FCHSD2: variants seen among roughly 807,000 people sequenced by gnomAD.
The protein encoded by FCHSD2 is F-BAR and double SH3 domains protein 2.
In FCHSD2, 38 loss-of-function variants were observed where a neutral mutation model predicts 108.1. That is an observed-to-expected ratio of 0.35 (90% confidence interval 0.27 to 0.46). FCHSD2 has a LOEUF of 0.46. FCHSD2 is among the 20% of genes least tolerant of loss of function. The pLI is 1.00. For missense variants in FCHSD2, 751 were observed against 897.8 expected, an observed-to-expected ratio of 0.84 and a Z score of 2.09; for synonymous variants, 279 against 314.7, an observed-to-expected ratio of 0.89 and a Z score of 1.20.
chr11:72,937,898 C>T (rs1290063053), intron 8 of FCHSD2, among the ~76,000 whole-genome samples: 1 of 152,104 alleles, frequency 6.6e-6, no homozygotes, highest in Non-Finnish European at 1.5e-5. Flanking sequence ...AAATACAGAA[C>T]ATAAGATCAA....
chr11:72,853,726 T>C (rs1326618776), intron 13 of FCHSD2, among the ~76,000 whole-genome samples: 1 of 151,990 alleles, frequency 6.6e-6, no homozygotes, highest in Non-Finnish European at 1.5e-5. Context: ...AACAGATAAA[T>C]TGAACCTTAT....
chr11:72,937,260 T>C (rs867772233), intron 8 of FCHSD2, among the ~76,000 whole-genome samples: 1 of 152,166 alleles, frequency 6.6e-6, no homozygotes, highest in African/African-American at 2.4e-5. Flanking sequence ...AGACAGTAAA[T>C]AGGACTGCTG....
chr11:72,909,880 C>T lies in FCHSD2; in HGVS notation c.829-7242G>A, dbSNP rs376279878. ...GTGAGGAGTGCCTCTGCCCGGCAGCCGCCCCATCTGGGAAGTGAGGAGCAC... is the reference window on the plus strand; with the variant it reads ...GTGAGGAGTGCCTCTGCCCGGCAGCTGCCCCATCTGGGAAGTGAGGAGCAC... On this transcript the variant is annotated intron_variant, in intron 9 of 19. Coordinates refer to ENST00000409418, the MANE Select transcript of FCHSD2 (RefSeq NM_014824.3). 2.5e-4 allele frequency among the ~76,000 whole-genome samples: 37 copies of T among 150,232 alleles called. 1 individual carries two copies. In the East Asian group the frequency reaches 3.6e-3, roughly 15 times the overall value.
chr11:73,083,787 T>A, intron 2 of FCHSD2, 47 bp from the exon 3 acceptor site: 1 of 1,224,848 alleles, frequency 8.2e-7, no homozygotes, highest in Non-Finnish European at 1.2e-6. Context: ...AACTTAATAA[T>A]TTAATGTAAA....
intron 8 of FCHSD2, among the ~76,000 whole-genome samples, chr11:72,965,893 C>T (rs1856897778): frequency 6.6e-6 from 1 of 152,078 alleles, no homozygotes; most frequent in South Asian, 2.1e-4. Context: ...AAACAGAACA[C>T]AATACTGGAG....
intron 2 of FCHSD2, among the ~76,000 whole-genome samples, chr11:73,090,338 G>C (rs1859925491): frequency 1.4e-5 from 2 of 145,902 alleles, no homozygotes; most frequent in Admixed American, 1.4e-4. Context: ...CCATTCTCCT[G>C]CCTCAGCCTC....
chr11:73,116,757 C>T (rs1004591406), intron 2 of FCHSD2, among the ~76,000 whole-genome samples: 1 of 152,088 alleles, frequency 6.6e-6, no homozygotes, highest in Admixed American at 6.6e-5. Context: ...AGGCTAGTCT[C>T]GAACTCCTGG....
chr11:72,909,796 C>T (rs181691094), intron 9 of FCHSD2, among the ~76,000 whole-genome samples: 35 of 148,800 alleles, frequency 2.4e-4, no homozygotes, highest in South Asian at 8.7e-4. Context: ...CACCTCTGCC[C>T]GGCCGCCCCG....
intron 5 of FCHSD2, among the ~76,000 whole-genome samples, chr11:72,997,634 T>C (rs1292862194): frequency 6.6e-6 from 1 of 152,202 alleles, no homozygotes; most frequent in African/African-American, 2.4e-5. Flanking sequence ...AAATATGGAA[T>C]GTAGTATTTA....
In FCHSD2 at chr11:73,142,162, C is replaced by CG; in HGVS notation, c.-286dup. 7.9e-6 allele frequency: 2 copies of CG among 253,000 alleles called. No homozygotes were observed. The highest frequency in any genetic ancestry group is 1.5e-5 in the Non-Finnish European group (2 of 132,968). 15.7% of individuals were successfully genotyped at this position (253,000 alleles called of 1,614,324 possible). A position where few individuals can be genotyped will look rare whatever the true frequency, so the allele number is the denominator to read the frequency against. On this transcript the variant is annotated 5_prime_UTR_variant, in exon 1 of 20. Transcript: ENST00000409418. ...GAAGGAGGCGGAGACGGCGAGGGGG[C>CG]GGGGGCCCCAGGAGCAGGGGCGCGA...
chr11:72,905,074 T>C lies in FCHSD2; in HGVS notation c.829-2436A>G, dbSNP rs1855600190. 2.0e-5 allele frequency among the ~76,000 whole-genome samples: 3 copies of C among 152,328 alleles called. No homozygotes were observed. In the South Asian group the frequency reaches 6.2e-4, roughly 32 times the overall value. On this transcript the variant is annotated intron_variant, in intron 9 of 19. Transcript: ENST00000409418. ...GAATGGTAGCCTCTCAAAAGATATG[T>C]TCATGTCCTAATTCCCAAAACCTGT...
chr11:72,967,294 T>C (rs1462541923), intron 8 of FCHSD2, among the ~76,000 whole-genome samples: 6 of 151,444 alleles, frequency 4.0e-5, no homozygotes, highest in Non-Finnish European at 8.8e-5. Context: ...GACCCTTGTG[T>C]AGTGGGGGAA....
At position 72,841,556 on chromosome 11, in the gene FCHSD2, A is replaced by G. The variant is rs76079323; in HGVS notation, c.1954T>C (p.Ser652Pro). ...TCGTACAACGGCAGTGGAGGCAGGG[A>G]GGCGTGTGGCTTGGGGGAAGGAGAG... ...QISPSPKPHA[S>P]LPPLPLYDQP... The change falls in exon 18 of 20, where the codon TCC (serine) becomes CCC (proline). Residue 652 changes from serine (S) to proline (P), a missense_variant. Transcript: ENST00000409418. 1 of 1,610,078 alleles carries G rather than the reference A, an allele frequency of 6.2e-7. No individual in the cohort carries two copies. The highest frequency in any genetic ancestry group is 8.5e-7 in the Non-Finnish European group (1 of 1,178,452).
rs1861028991 is a variant in FCHSD2, at chr11:72,843,458, G to A, written c.1518C>T (p.Asp506=). 1.2e-6 allele frequency: 2 copies of A among 1,612,502 alleles called. No homozygotes were observed. The highest frequency in any genetic ancestry group is 2.2e-5 in the East Asian group (1 of 44,892). Residue 506 remains aspartate, a synonymous_variant, in exon 15 of 20, where the codon GAC becomes GAT. Transcript: ENST00000409418. ...LEVIEDGDME[D]WVKARNKVGQ... ...GAGCAAAGGAATATACCTTTACCCA[G>A]TCTTCCATATCTCCATCTTCAATCA...
At chr11:73,132,070 A>C (rs1322411240) in intron 2 of FCHSD2, among the ~76,000 whole-genome samples, 1 of 152,238 alleles carries the variant, frequency 6.6e-6, no homozygotes, top group Non-Finnish European at 1.5e-5. Context: ...GGATTTTCTT[A>C]CAAGATTGCT....
At chr11:73,091,581 C>T (rs1012823220) in intron 2 of FCHSD2, among the ~76,000 whole-genome samples, 9 of 152,000 alleles carry the variant, frequency 5.9e-5, no homozygotes, top group Non-Finnish European at 1.2e-4. Flanking sequence ...AAGCAAATAT[C>T]ACTTCCAGAC....
At chr11:73,139,202 T>C (rs776910713) in intron 2 of FCHSD2, among the ~76,000 whole-genome samples, 9 of 152,208 alleles carry the variant, frequency 5.9e-5, no homozygotes, top group Non-Finnish European at 1.2e-4. Flanking sequence ...AGAGTTAATA[T>C]TTTTCATGAA....
At chr11:72,942,565 T>C (rs1361285945) in intron 8 of FCHSD2, among the ~76,000 whole-genome samples, 2 of 151,798 alleles carry the variant, frequency 1.3e-5, no homozygotes, top group African/African-American at 4.8e-5. Context: ...ACAGTAAGAG[T>C]GGTTTACTGT....
intron 3 of FCHSD2, among the ~76,000 whole-genome samples, chr11:73,057,748 C>CAT (rs1859060850): frequency 1.3e-5 from 2 of 152,138 alleles, no homozygotes; most frequent in Non-Finnish European, 2.9e-5. Flanking sequence ...CAGTCCCTAA[C>CAT]CCTTTAAATC....
Sources: gnomAD v4.1 joint callset for allele counts (sites outside exome capture counted in the v4.1 genomes callset) on GRCh38, gnomAD v4.1.1 for gene constraint, MANE v1.5 for transcripts, NCBI Gene and HGNC (gene_info 2026-07-23, HGNC 2026-07-21) for gene names.